ATF6: variants seen among roughly 807,000 people sequenced by gnomAD.
ATF6 encodes the protein cyclic AMP-dependent transcription factor ATF-6 alpha.
Under a neutral mutation model 83.6 loss-of-function variants are expected in ATF6, and 53 were observed. That is an observed-to-expected ratio of 0.63 (90% CI 0.51 to 0.80). ATF6 has a LOEUF of 0.80. Ranked by LOEUF, ATF6 falls within the 30% of genes least tolerant of loss-of-function variation. ATF6 has a pLI of 0.00. For missense variants in ATF6, 744 were observed against 797.9 expected (o/e 0.93, Z 0.81); for synonymous variants, 288 against 285.8 (o/e 1.01, Z -0.08).
At chr1:161,918,170 A>G (rs1018921544) in intron 15 of ATF6, among the ~76,000 whole-genome samples, 3 of 152,108 alleles carry the variant, frequency 2.0e-5, no homozygotes, top group African/African-American at 7.2e-5. Context: ...TTTGATAGGT[A>G]TATGTTTGTT....
At chr1:161,793,220 C>G (rs1684926312) in intron 6 of ATF6, among the ~76,000 whole-genome samples, 1 of 152,038 alleles carries the variant, frequency 6.6e-6, no homozygotes, top group Non-Finnish European at 1.5e-5. Flanking sequence ...ACTCTTTTAG[C>G]TTTGTTCTAT....
chr1:161,793,685 CAG>C (rs2101744624), intron 6 of ATF6, among the ~76,000 whole-genome samples: 1 of 152,298 alleles, frequency 6.6e-6, no homozygotes, highest in East Asian at 1.9e-4. Flanking sequence ...GCGTATAAAG[CAG>C]GGGTATTCCT....
chr1:161,863,170 GTAAT>G, intron 13 of ATF6, 24 bp from the exon 14 acceptor site: 1 of 1,358,548 alleles, frequency 7.4e-7, no homozygotes, highest in Non-Finnish European at 1.0e-6. Context: ...TTTTATTTTA[GTAAT>G]ACCTTATATT....
intron 14 of ATF6, among the ~76,000 whole-genome samples, chr1:161,897,207 G>T (rs189602612): frequency 3.6e-4 from 55 of 152,218 alleles, no homozygotes; most frequent in Non-Finnish European, 7.4e-4. Flanking sequence ...GCTGAAGCGG[G>T]CGGCTTGCCT....
intron 7 of ATF6, 111 bp from the exon 8 acceptor site, chr1:161,819,522 T>C: frequency 1.2e-6 from 1 of 814,674 alleles, no homozygotes; most frequent in Non-Finnish European, 1.7e-6. Context: ...ACTAGTAACC[T>C]ATGCTTTGAA....
chr1:161,791,261 C>T lies in ATF6; in HGVS notation c.355-147C>T. ...GGATCATGCTGATAGTCACTTATTA[C>T]TTAATATATATATACAGTTTCTAAT... On this transcript the variant is annotated intron_variant, in intron 4 of 15. Coordinates refer to ENST00000367942, the MANE Select transcript of ATF6 (RefSeq NM_007348.4). 2 of 490,780 alleles carry T rather than the reference C, an allele frequency of 4.1e-6. 1 individual carries two copies. The highest frequency in any genetic ancestry group is 7.1e-5 in the South Asian group (2 of 28,206). 30.4% of individuals were successfully genotyped at this position (490,780 alleles called of 1,614,324 possible). A position where few individuals can be genotyped will look rare whatever the true frequency, so the allele number is the denominator to read the frequency against.
At chr1:161,915,745 C>T in intron 15 of ATF6, among the ~76,000 whole-genome samples, 1 of 151,958 alleles carries the variant, frequency 6.6e-6, no homozygotes, top group South Asian at 2.1e-4. Context: ...CCACTTCAGC[C>T]TCCCGAGCAG....
chr1:161,909,788 C>T (rs894645281), intron 14 of ATF6, among the ~76,000 whole-genome samples: 4 of 152,106 alleles, frequency 2.6e-5, no homozygotes, highest in Non-Finnish European at 5.9e-5. Flanking sequence ...AACCCCGTCT[C>T]TACTAAAAAT....
intron 9 of ATF6, among the ~76,000 whole-genome samples, chr1:161,821,484 T>C (rs541751983): frequency 6.6e-6 from 1 of 152,276 alleles, no homozygotes; most frequent in East Asian, 1.9e-4. Context: ...GTGACTGAGT[T>C]ATAAGGGAGA....
chr1:161,818,673 C>A, intron 7 of ATF6, among the ~76,000 whole-genome samples: 1 of 152,088 alleles, frequency 6.6e-6, no homozygotes, highest in South Asian at 2.1e-4. Flanking sequence ...ATAAACAATG[C>A]GAATAAGGAA....
intron 12 of ATF6, among the ~76,000 whole-genome samples, chr1:161,859,384 G>A (rs1053753612): frequency 6.6e-6 from 1 of 152,154 alleles, no homozygotes; most frequent in Non-Finnish European, 1.5e-5. Flanking sequence ...CAGTTAAACT[G>A]CGAGCTTCTT....
Position 161,791,546 on chromosome 1 carries a change from C to G in ATF6, c.484+9C>G, listed in dbSNP as rs1684882344. The G allele has an allele frequency of 1.3e-6, 2 of 1,591,088 alleles. No individual in the cohort carries two copies. The highest frequency in any genetic ancestry group is 4.5e-5 in the East Asian group (2 of 44,470). On this transcript the variant is annotated intron_variant, in intron 5 of 15. Transcript: ENST00000367942. ...TCCTAGGAACAAGACTGGTATTACT[C>G]TATCTCCTAACTTCTGTTATTTCTA...
chr1:161,942,488 G>T (rs1303963700), intron 15 of ATF6, among the ~76,000 whole-genome samples: 3 of 152,108 alleles, frequency 2.0e-5, no homozygotes, highest in African/African-American at 7.2e-5. Flanking sequence ...TATGGGTTAG[G>T]TATTAATATC....
At chr1:161,956,402 C>T (rs1002754491) in intron 15 of ATF6, among the ~76,000 whole-genome samples, 4 of 152,124 alleles carry the variant, frequency 2.6e-5, no homozygotes, top group Admixed American at 1.3e-4. Flanking sequence ...AACTTAGTCA[C>T]GTGTTGTAAA....
intron 15 of ATF6, among the ~76,000 whole-genome samples, chr1:161,923,671 G>GT (rs1688257626): frequency 6.6e-6 from 1 of 152,148 alleles, no homozygotes; most frequent in East Asian, 1.9e-4. Flanking sequence ...TATATTCATT[G>GT]TATTTGATTT....
chr1:161,899,416 T>C (rs1687738639), intron 14 of ATF6, among the ~76,000 whole-genome samples: 1 of 152,190 alleles, frequency 6.6e-6, no homozygotes, highest in Non-Finnish European at 1.5e-5. Flanking sequence ...ATAAGTCTAG[T>C]ATATCAGAAT....
At chr1:161,845,401 TAAAAC>T (rs926973301) in intron 9 of ATF6, among the ~76,000 whole-genome samples, 11 of 152,140 alleles carry the variant, frequency 7.2e-5, no homozygotes, top group Admixed American at 2.6e-4. Context: ...GGTTGCATCA[TAAAAC>T]AAAGTGCGAA....
intron 11 of ATF6, 118 bp from the exon 12 acceptor site, chr1:161,853,106 A>G (rs1167401036): frequency 2.9e-6 from 2 of 681,832 alleles, no homozygotes; most frequent in Non-Finnish European, 4.8e-6. Flanking sequence ...GTCATCAGGC[A>G]CTTGGAATGC....
At chr1:161,836,647 G>C (rs752814142) in intron 9 of ATF6, among the ~76,000 whole-genome samples, 3 of 152,178 alleles carry the variant, frequency 2.0e-5, no homozygotes, top group Non-Finnish European at 4.4e-5. Flanking sequence ...AGATGTCTTA[G>C]AACCTATCAA....
Sources: allele counts gnomAD v4.1 joint callset (sites outside exome capture counted in the v4.1 genomes callset), GRCh38; gene constraint gnomAD v4.1.1; transcripts MANE v1.5; gene names NCBI Gene and HGNC (gene_info 2026-07-23, HGNC 2026-07-21).